CMSS1: variants seen among roughly 807,000 people sequenced by gnomAD.
CMSS1 encodes protein CMSS1.
In CMSS1, 33 loss-of-function variants were observed where a neutral mutation model predicts 43.5. The ratio of observed to expected loss-of-function variants is 0.76; its 90% CI spans 0.57 to 1.01. The LOEUF is 1.01. CMSS1 is among the 50% of genes least tolerant of loss of function. CMSS1 has a pLI of 0.00. For missense variants in CMSS1, 313 were observed against 326.4 expected, an observed-to-expected ratio of 0.96 and a Z score of 0.32; for synonymous variants, 115 against 117.2, an observed-to-expected ratio of 0.98 and a Z score of 0.12.
At chr3:99,818,163 A>T in intron 1 of CMSS1, 120 bp downstream of exon 1, 1 of 847,124 alleles carries the variant, frequency 1.2e-6, no homozygotes, top group Non-Finnish European at 1.9e-6. Context: ...CCGCCTTGGG[A>T]GCGCGCAAGC....
rs1576497640 is a variant in CMSS1 at position 99,837,789 on chromosome 3, G to A, written c.64+19746G>A. ...AGAAATAGAAATCCAGATTTAGAGT[G>A]TACCATCTGGGAAAATTTTCTGTTT... On this transcript the variant is annotated intron_variant, in intron 1 of 9. Coordinates refer to ENST00000421999, the MANE Select transcript of CMSS1 (RefSeq NM_032359.4). 2.0e-5 allele frequency among the ~76,000 whole-genome samples: 3 copies of A among 152,192 alleles called. No individual in the cohort carries two copies. The East Asian group carries it at 5.8e-4, about 29-fold the overall frequency.
chr3:100,141,469 G>C (rs1254325364), intron 1 of CMSS1: 1 of 439,680 alleles, frequency 2.3e-6, no homozygotes, highest in East Asian at 7.2e-5. Context: ...TGAAGACGGC[G>C]GTCTTAACGT....
At chr3:99,994,639 G>C (rs550244327) in intron 1 of CMSS1, among the ~76,000 whole-genome samples, 1 of 152,108 alleles carries the variant, frequency 6.6e-6, no homozygotes, top group East Asian at 1.9e-4. Context: ...CAATCACTGG[G>C]TGTATTAGTC....
intron 1 of CMSS1, among the ~76,000 whole-genome samples, chr3:100,117,577 A>G (rs983774934): frequency 6.6e-6 from 1 of 152,030 alleles, no homozygotes; most frequent in African/African-American, 2.4e-5. Flanking sequence ...ACGTATGGTT[A>G]TTAAGAGCAT....
chr3:99,982,497 C>T lies in CMSS1; in HGVS notation c.64+164454C>T, dbSNP rs374810070. 5.9e-5 allele frequency among the ~76,000 whole-genome samples: 9 copies of T among 152,172 alleles called. No individual in the cohort carries two copies. In the East Asian group the frequency reaches 7.7e-4, roughly 13 times the overall value. Reference sequence around the variant, plus strand: ...CTGGGACTACAGGCACATGCCACCACGCCCAGCTAATTTTTTTATTTTTTT... The same window carrying T: ...CTGGGACTACAGGCACATGCCACCATGCCCAGCTAATTTTTTTATTTTTTT... On this transcript the variant is annotated intron_variant, in intron 1 of 9. Coordinates refer to ENST00000421999, the MANE Select transcript of CMSS1 (RefSeq NM_032359.4).
intron 1 of CMSS1, among the ~76,000 whole-genome samples, chr3:99,828,013 T>C (rs1009975299): frequency 1.3e-5 from 2 of 152,258 alleles, no homozygotes; most frequent in Non-Finnish European, 2.9e-5. Flanking sequence ...TCTCCTGACA[T>C]GGGAGAAAAC....
At chr3:100,095,897 A>G (rs896733936) in intron 1 of CMSS1, among the ~76,000 whole-genome samples, 2 of 152,186 alleles carry the variant, frequency 1.3e-5, no homozygotes, top group African/African-American at 4.8e-5. Context: ...TAACTGCAGT[A>G]TATAAGGAGC....
chr3:100,046,534 C>T (rs1229052716), intron 1 of CMSS1, among the ~76,000 whole-genome samples: 1 of 151,858 alleles, frequency 6.6e-6, no homozygotes, highest in Non-Finnish European at 1.5e-5. Context: ...TCCCCAACTC[C>T]CCCCAGGATT....
intron 1 of CMSS1, among the ~76,000 whole-genome samples, chr3:100,119,030 T>C (rs992578251): frequency 6.6e-6 from 1 of 152,128 alleles, no homozygotes; most frequent in African/African-American, 2.4e-5. Context: ...TTTCCTCCTC[T>C]GTGAAGGTTT....
intron 1 of CMSS1, among the ~76,000 whole-genome samples, chr3:99,824,748 T>C (rs1344495220): frequency 1.3e-5 from 2 of 152,216 alleles, no homozygotes; most frequent in Non-Finnish European, 2.9e-5. Flanking sequence ...GTAACCATAT[T>C]TGGATTTAAT....
rs145398279 is a variant in CMSS1 at position 99,941,969 on chromosome 3, C to T, written c.64+123926C>T. Among the ~76,000 whole-genome samples the T allele has an allele frequency of 1.7e-3, 261 of 152,226 alleles. 1 individual carries two copies. The highest frequency in any genetic ancestry group is 6.0e-3 in the African/African-American group (250 of 41,550). ...AAGACTAAGGAAATTTGAATGTGAA[C>T]TATAAATTAGGTGATATTAAGAATT... is the stretch of plus-strand genomic sequence containing the variant. On this transcript the variant is annotated intron_variant, in intron 1 of 9. Transcript: ENST00000421999.
intron 1 of CMSS1, among the ~76,000 whole-genome samples, chr3:100,100,020 T>C (rs78902125): frequency 1.3e-5 from 2 of 152,258 alleles, no homozygotes; most frequent in East Asian, 3.9e-4. Flanking sequence ...GTTGTCAAAG[T>C]CCTTATTAAA....
intron 1 of CMSS1, among the ~76,000 whole-genome samples, chr3:100,108,544 G>A (rs2066432473): frequency 6.6e-6 from 1 of 152,102 alleles, no homozygotes; most frequent in Non-Finnish European, 1.5e-5. Flanking sequence ...AATGCATTGT[G>A]GTACATTCTG....
chr3:100,176,760 T>C (rs893256594), intron 9 of CMSS1, among the ~76,000 whole-genome samples: 6 of 152,190 alleles, frequency 3.9e-5, no homozygotes, highest in Non-Finnish European at 7.3e-5. Context: ...TTCATTCTTA[T>C]ATGTGCACTT....
chr3:100,103,900 T>G (rs1409862133), intron 1 of CMSS1, among the ~76,000 whole-genome samples: 3 of 152,298 alleles, frequency 2.0e-5, no homozygotes, highest in South Asian at 4.1e-4. Flanking sequence ...AATATCAACC[T>G]TATTAATAAG....
At chr3:99,832,763 C>T (rs1391819215) in intron 1 of CMSS1, among the ~76,000 whole-genome samples, 1 of 147,620 alleles carries the variant, frequency 6.8e-6, no homozygotes, top group African/African-American at 2.5e-5. Context: ...TCGCTTGAAC[C>T]CACGAGGCGG....
In CMSS1 at chr3:100,014,436, C is replaced by G. The variant is rs140982167; in HGVS notation, c.65-132537C>G. On this transcript the variant is annotated intron_variant, in intron 1 of 9. Transcript: ENST00000421999. The stretch of plus-strand genomic sequence containing the variant: ...CCTGCAGACTTATTTTCTGTAATAG[C>G]TATTATAATTTACATTCCCACCAAC... Among the ~76,000 whole-genome samples the G allele has an allele frequency of 7.2e-3, 1,094 of 152,004 alleles. 4 individuals carry two copies. The highest frequency in any genetic ancestry group is 1.0e-2 in the African/African-American group (414 of 41,482).
chr3:99,860,533 A>G (rs1944194902), intron 1 of CMSS1, among the ~76,000 whole-genome samples: 1 of 152,178 alleles, frequency 6.6e-6, no homozygotes. Flanking sequence ...AGGTTCCAGA[A>G]CAAGTAAAAG....
intron 1 of CMSS1, among the ~76,000 whole-genome samples, chr3:100,092,373 G>A (rs1259306853): frequency 6.6e-6 from 1 of 151,948 alleles, no homozygotes; most frequent in East Asian, 1.9e-4. Flanking sequence ...CAAAGACAAT[G>A]GTATACAAGA....
Sources: gnomAD v4.1 joint callset for allele counts (sites outside exome capture counted in the v4.1 genomes callset) on GRCh38, gnomAD v4.1.1 for gene constraint, MANE v1.5 for transcripts, NCBI Gene and HGNC (gene_info 2026-07-23, HGNC 2026-07-21) for gene names.